Variants in THSD4 observed in about 807,000 individuals in gnomAD.
THSD4 encodes thrombospondin type 1 domain containing 4.
A neutral mutation model predicts 119.0 loss-of-function variants in THSD4; 69 were observed. The observed-to-expected ratio is 0.58, with a 90% CI of 0.48 to 0.71. THSD4 has a LOEUF of 0.71. Among genes scored for constraint, THSD4 ranks in the 30% least tolerant of loss-of-function variants. The probability of loss-of-function intolerance (pLI) is 0.00; values close to 1 mark genes in which losing one functional copy is unlikely to be tolerated. For synonymous variants in THSD4, 524 were observed against 540.4 expected, an observed-to-expected ratio of 0.97 and a Z score of 0.42; for missense variants, 1,393 against 1,391.1, an observed-to-expected ratio of 1.00 and a Z score of -0.02.
chr15:71,585,279 T>G (rs913010522), intron 7 of THSD4, among the ~76,000 whole-genome samples: 1 of 152,236 alleles, frequency 6.6e-6, no homozygotes. Flanking sequence ...CTAATTATAA[T>G]GAACTTTTGT....
At chr15:71,568,568 C>CTTTTTTTTTTTTTTT (rs61430926) in intron 7 of THSD4, among the ~76,000 whole-genome samples, 6 of 137,854 alleles carry the variant, frequency 4.4e-5, no homozygotes, top group Admixed American at 1.5e-4. Flanking sequence ...CTCTTTTTCT[C>CTTTTTTTTTTTTTTT]TTTTTTTTTT....
intron 7 of THSD4, among the ~76,000 whole-genome samples, chr15:71,550,708 G>A (rs2048914547): frequency 6.6e-6 from 1 of 152,180 alleles, no homozygotes; most frequent in South Asian, 2.1e-4. Flanking sequence ...CCAAAGTGCT[G>A]GGATTACAGG....
At chr15:71,432,682 G>C (rs1461562106) in intron 7 of THSD4, among the ~76,000 whole-genome samples, 1 of 151,906 alleles carries the variant, frequency 6.6e-6, no homozygotes, top group Admixed American at 6.6e-5. Flanking sequence ...AACCTATCCT[G>C]TATAGTCAGC....
At chr15:71,754,609 T>C (rs1160873851) in intron 14 of THSD4, among the ~76,000 whole-genome samples, 1 of 152,174 alleles carries the variant, frequency 6.6e-6, no homozygotes, top group Non-Finnish European at 1.5e-5. Context: ...ACATGAAATA[T>C]GCAAATAGCA....
At chr15:71,139,766 G>A (rs559169145) in intron 1 of THSD4, among the ~76,000 whole-genome samples, 2 of 152,192 alleles carry the variant, frequency 1.3e-5, no homozygotes, top group Non-Finnish European at 2.9e-5. Context: ...CTGGTGAAAA[G>A]GAAGTCTGAA....
intron 7 of THSD4, among the ~76,000 whole-genome samples, chr15:71,429,548 G>A (rs1012275229): frequency 1.3e-5 from 2 of 152,186 alleles, no homozygotes; most frequent in African/African-American, 2.4e-5. Context: ...TCTTGACTTT[G>A]GGCAAATAAG....
At chr15:71,125,377 G>T (rs543979357) in intron 1 of THSD4, among the ~76,000 whole-genome samples, 1 of 152,266 alleles carries the variant, frequency 6.6e-6, no homozygotes, top group African/African-American at 2.4e-5. Flanking sequence ...ATAAACTTTT[G>T]CTCCCTCTTT....
At chr15:71,208,500 T>C (rs994785237) in intron 3 of THSD4, among the ~76,000 whole-genome samples, 1 of 128,872 alleles carries the variant, frequency 7.8e-6, no homozygotes, top group Non-Finnish European at 1.6e-5. Flanking sequence ...TTTTTTCTCT[T>C]TTCTTTTCTT....
At position 71,713,751 on chromosome 15, in the gene THSD4, G is replaced by A. The variant is rs182075554; in HGVS notation, c.1358-14798G>A. Among the ~76,000 whole-genome samples the A allele has an allele frequency of 1.6e-4, 25 of 152,138 alleles. No homozygotes were observed. In the South Asian group the frequency reaches 5.2e-3, roughly 32 times the overall value. The stretch of plus-strand genomic sequence containing the variant: ...ATTTCCAACTTCTACCAAGTTACAG[G>A]GGTCATTTGAGCCATCTTAAATAAT... On this transcript the variant is annotated intron_variant, in intron 8 of 17. Transcript: ENST00000261862.
intron 6 of THSD4, among the ~76,000 whole-genome samples, chr15:71,257,052 A>G (rs1396840449): frequency 1.3e-5 from 2 of 152,138 alleles, no homozygotes; most frequent in Non-Finnish European, 2.9e-5. Context: ...GTGAGTGCAG[A>G]TGGAGTTTCC....
chr15:71,746,174 C>T (rs1333927120), intron 12 of THSD4, among the ~76,000 whole-genome samples: 1 of 151,720 alleles, frequency 6.6e-6, no homozygotes, highest in East Asian at 1.9e-4. Flanking sequence ...AATAAGATTC[C>T]TAAGTTAGTA....
chr15:71,698,454 A>G (rs1173428321), intron 8 of THSD4, among the ~76,000 whole-genome samples: 1 of 151,680 alleles, frequency 6.6e-6, no homozygotes, highest in South Asian at 2.1e-4. Context: ...TAAAACTACC[A>G]TCTGATCCAG....
At chr15:71,172,419 A>T (rs1471294759) in intron 3 of THSD4, among the ~76,000 whole-genome samples, 1 of 151,896 alleles carries the variant, frequency 6.6e-6, no homozygotes, top group Non-Finnish European at 1.5e-5. Context: ...TTCTCTTCAA[A>T]TTGACCTATA....
chr15:71,154,789 C>A, intron 2 of THSD4, 74 bp from the exon 3 acceptor site: 7 of 1,458,350 alleles, frequency 4.8e-6, no homozygotes, highest in South Asian at 1.1e-5. Context: ...GATGAGATGG[C>A]GATGCTGCCT....
chr15:71,759,371 G>A (rs1355734082), intron 15 of THSD4, among the ~76,000 whole-genome samples: 2 of 152,164 alleles, frequency 1.3e-5, no homozygotes, highest in African/African-American at 4.8e-5. Context: ...CTCTAGGTGA[G>A]TGATTTAACC....
intron 8 of THSD4, among the ~76,000 whole-genome samples, chr15:71,679,616 G>A (rs1177525520): frequency 6.6e-6 from 1 of 152,252 alleles, no homozygotes. Flanking sequence ...TGTGAGGCAT[G>A]TTCTGGACTT....
At chr15:71,545,773 CT>C (rs1555425249) in intron 7 of THSD4, among the ~76,000 whole-genome samples, 1 of 152,118 alleles carries the variant, frequency 6.6e-6, no homozygotes, top group African/African-American at 2.4e-5. Flanking sequence ...CTCACTATAC[CT>C]TTTTTTCTCT....
intron 8 of THSD4, among the ~76,000 whole-genome samples, chr15:71,676,033 C>T (rs1197483259): frequency 1.3e-5 from 2 of 152,198 alleles, no homozygotes; most frequent in Non-Finnish European, 2.9e-5. Flanking sequence ...TGGGCTAAAT[C>T]TCCATAGTTA....
At chr15:71,502,925 A>C (rs1277590901) in intron 7 of THSD4, among the ~76,000 whole-genome samples, 2 of 152,176 alleles carry the variant, frequency 1.3e-5, no homozygotes, top group African/African-American at 4.8e-5. Flanking sequence ...AGAGTTTGTC[A>C]TCTTACTCGG....
Sources: allele counts gnomAD v4.1 joint callset (sites outside exome capture counted in the v4.1 genomes callset), GRCh38; gene constraint gnomAD v4.1.1; transcripts MANE v1.5; gene names NCBI Gene and HGNC (gene_info 2026-07-23, HGNC 2026-07-21).